Variants in UNC45A observed in about 807,000 individuals in gnomAD.
UNC45A encodes unc-45 myosin chaperone A.
UNC45A carries 78 observed loss-of-function variants against 103.2 expected under a neutral mutation model. That is an observed-to-expected ratio of 0.76 (90% confidence interval 0.63 to 0.91). The LOEUF (loss-of-function observed/expected upper bound fraction) is 0.91, where lower values mean the gene tolerates loss of function less well. UNC45A is among the 40% of genes least tolerant of loss of function. The pLI, the probability that UNC45A is intolerant of heterozygous loss-of-function variation, is 0.00. For missense variants in UNC45A, 1,193 were observed against 1,224.8 expected (o/e 0.97, Z 0.39); for synonymous variants, 495 against 504.6 (o/e 0.98, Z 0.25).
chr15:90,942,643 T>C (rs1269450441), intron 7 of UNC45A, 38 bp downstream of exon 7: 1 of 1,613,594 alleles, frequency 6.2e-7, no homozygotes, highest in African/African-American at 1.3e-5. Flanking sequence ...TGGACGTTAC[T>C]GTCATGGAAG....
In UNC45A at chr15:90,953,908, C is replaced by T. The variant is rs2037076632; in HGVS notation, c.*192C>T. Reference sequence around the variant, plus strand: ...GTCACACAGCCCTGCTTGGCCAGCACTGCCTGCAGCCTCACTCAGAGGGGC... The same window carrying T: ...GTCACACAGCCCTGCTTGGCCAGCATTGCCTGCAGCCTCACTCAGAGGGGC... On this transcript the variant is annotated 3_prime_UTR_variant, in exon 20 of 20. Transcript: ENST00000418476. 3 of 763,432 alleles carry T rather than the reference C, an allele frequency of 3.9e-6. No homozygotes were observed. The highest frequency in any genetic ancestry group is 2.8e-5 in the Admixed American group (1 of 35,528). The allele number at this position is 763,432 out of a possible 1,614,324, so 47.3% of individuals were successfully genotyped here. A position where few individuals can be genotyped will look rare whatever the true frequency, so the allele number is the denominator to read the frequency against.
At chr15:90,935,734 C>G (rs376290396) in intron 2 of UNC45A, 29 bp downstream of exon 2, 1 of 1,534,428 alleles carries the variant, frequency 6.5e-7, no homozygotes, top group African/African-American at 1.4e-5. Context: ...CTTCCCCTCG[C>G]CCGCCCGGGC....
chr15:90,952,981 GA>G lies in UNC45A; in HGVS notation c.2357del (p.Glu786GlyfsTer5). 1 of 1,613,588 alleles carries G rather than the reference GA, an allele frequency of 6.2e-7. No individual in the cohort carries two copies. Among genetic ancestry groups the G allele is most frequent in the Non-Finnish European group, 8.5e-7 (1 of 1,180,046 alleles). On this transcript the variant is annotated frameshift_variant, in exon 18 of 20. Transcript: ENST00000418476. LOFTEE classifies it high-confidence loss of function. The part of the protein sequence containing the change: ...AVPMIEGYMF[E>X]EHEMIRRAAT... ...GCCCATGATAGAAGGCTACATGTTT[GA>G]GGAGCATGAGATGATCCGCCGGGCA... is the stretch of plus-strand genomic sequence containing the variant.
rs770826662 is a variant in UNC45A, at chr15:90,950,574, C to G, written c.2262C>G (p.Leu754=). ...CAGGCCTGCAGAACTTCGAGGCGCTCATGGCCCTAACAAACCTGGCTGGGA... is the reference window on the plus strand; with the variant it reads ...CAGGCCTGCAGAACTTCGAGGCGCTGATGGCCCTAACAAACCTGGCTGGGA... ...NCSGLQNFEA[L]MALTNLAGIS... Residue 754 remains leucine, a synonymous_variant, in exon 17 of 20, where the codon CTC becomes CTG. Transcript: ENST00000418476. 14 of 1,614,054 alleles carry G rather than the reference C, an allele frequency of 8.7e-6. No individual in the cohort carries two copies. The highest frequency in any genetic ancestry group is 1.2e-5 in the Non-Finnish European group (14 of 1,180,036).
Position 90,953,718 on chromosome 15 carries a change from G to A in UNC45A, c.*2G>A. 2.5e-6 allele frequency: 4 copies of A among 1,613,062 alleles called. No homozygotes were observed. Among genetic ancestry groups the A allele is most frequent in the Non-Finnish European group, 3.4e-6 (4 of 1,179,454 alleles). On this transcript the variant is annotated 3_prime_UTR_variant, in exon 20 of 20. Transcript: ENST00000418476. The stretch of plus-strand genomic sequence containing the variant: ...CAACCCAACCAAGATGGAGAGTGAG[G>A]GGGTTGTCCCTGGGCCCAAGGCTCA...
At chr15:90,938,821 G>A (rs1346082403) in intron 4 of UNC45A, among the ~76,000 whole-genome samples, 1 of 151,830 alleles carries the variant, frequency 6.6e-6, no homozygotes, top group Non-Finnish European at 1.5e-5. Context: ...ACAGGCACCC[G>A]CCACCACACC....
At chr15:90,949,227 T>G (rs2036752820) in intron 13 of UNC45A, 89 bp from the exon 14 acceptor site, 1 of 1,513,490 alleles carries the variant, frequency 6.6e-7, no homozygotes, top group Admixed American at 2.0e-5. Context: ...CTGTTTTATT[T>G]CCCAGTTCCT....
chr15:90,934,840 G>A (rs1192117636), upstream of UNC45A: 11 of 417,136 alleles, frequency 2.6e-5, no homozygotes, highest in Non-Finnish European at 4.2e-5. Flanking sequence ...TGGGGAGGGA[G>A]TCCTGAGCTT....
rs187439373 is a variant in UNC45A, at chr15:90,935,502, C to G, written c.52-42C>G. ...TCTCCCCTTAGCTCCCGGGCTCTGC[C>G]CCGAACCCCCTCCGACGTTTCCGCC... On this transcript the variant is annotated intron_variant, in intron 1 of 19. Transcript: ENST00000418476. The G allele has an allele frequency of 2.5e-5, 39 of 1,576,826 alleles. No individual in the cohort carries two copies. In the African/African-American group the frequency reaches 5.1e-4, roughly 21 times the overall value.
chr15:90,931,111 G>C (rs752756931), upstream of UNC45A: 3 of 782,458 alleles, frequency 3.8e-6, no homozygotes, highest in South Asian at 1.8e-5. Context: ...GCTCAGCTTA[G>C]TTAGCAGGAG....
intron 15 of UNC45A, 169 bp downstream of exon 15, chr15:90,949,889 G>T: frequency 1.3e-6 from 1 of 760,606 alleles, no homozygotes; most frequent in Non-Finnish European, 2.2e-6. Context: ...CAAGCTCCTT[G>T]GCCCCTCCAC....
chr15:90,940,349 C>T lies in UNC45A; in HGVS notation c.563C>T (p.Ala188Val), dbSNP rs144133578. ...GTGCTGGCCAGGGAGGATGCTGGAG[C>T]GGAGAAGATCTTCCGGAGTAATGGG... ...LVVLAREDAG[A>V]EKIFRSNGVQ... is the part of the protein sequence containing the mutation. The change falls in exon 6 of 20, where the codon GCG becomes GTG. Residue 188 changes from alanine (A) to valine (V), a missense_variant. Coordinates refer to ENST00000418476, the MANE Select transcript of UNC45A (RefSeq NM_018671.5). The T allele has an allele frequency of 3.3e-5, 53 of 1,614,018 alleles. No individual in the cohort carries two copies. Among genetic ancestry groups the T allele is most frequent in the African/African-American group, 1.9e-4 (14 of 75,032 alleles).
At position 90,948,267 on chromosome 15, in the gene UNC45A, T is replaced by C. The variant is rs754325628; in HGVS notation, c.1721T>C (p.Leu574Pro). The change falls in exon 12 of 20, where the codon CTG (leucine) becomes CCG (proline). Residue 574 changes from leucine (L) to proline (P), a missense_variant. Physicochemically the swap from Leu to Pro is moderately conservative, Grantham distance 98. Coordinates refer to ENST00000418476, the MANE Select transcript of UNC45A (RefSeq NM_018671.5). The stretch of plus-strand genomic sequence containing the variant: ...GAGGATGCGGCTGCTCTGAAAGCTC[T>C]GTTCCAGCTCAGCAGGGTAGCTCTG... ...FVEDAAALKA[L>P]FQLSRLEERS... 2.5e-6 allele frequency: 4 copies of C among 1,613,992 alleles called. No individual in the cohort carries two copies. Among genetic ancestry groups the C allele is most frequent in the Admixed American group, 1.7e-5 (1 of 60,034 alleles).
rs1371369971 is a variant in UNC45A at position 90,949,341 on chromosome 15, G to A, written c.1904G>A (p.Arg635Gln). The change falls in exon 14 of 20, where the codon CGG becomes CAG. Residue 635 changes from arginine (R) to glutamine (Q), a missense_variant. Arg to Gln is a conservative substitution (Grantham distance 43, BLOSUM62 1). Coordinates refer to ENST00000418476, the MANE Select transcript of UNC45A (RefSeq NM_018671.5). The stretch of plus-strand genomic sequence containing the variant: ...GACAAGCCAAGCTTCGTGCGGGCTC[G>A]GGTGAAGAAGCTGCTGGCAGCGGGT... ...PKDKPSFVRA[R>Q]VKKLLAAGVV... 44 of 1,612,984 alleles carry A rather than the reference G, an allele frequency of 2.7e-5. No homozygotes were observed. Among genetic ancestry groups the A allele is most frequent in the Non-Finnish European group, 3.2e-5 (38 of 1,180,014 alleles).
intron 10 of UNC45A, 24 bp downstream of exon 10, chr15:90,946,938 G>GGGGGC: frequency 1.3e-6 from 2 of 1,542,840 alleles, no homozygotes; most frequent in African/African-American, 1.4e-5. Flanking sequence ...CCTGGGGTGG[G>GGGGGC]TGGGCAGGCA....
At chr15:90,935,029 G>T, upstream of UNC45A, 1 of 557,922 alleles carries the variant, frequency 1.8e-6, no homozygotes, top group Non-Finnish European at 3.1e-6. Context: ...CTTCTGCTGC[G>T]GTCGGGGCCG....
At position 90,949,641 on chromosome 15, in the gene UNC45A, C is replaced by G. The variant is rs200743342; in HGVS notation, c.2007-13C>G. On this transcript the variant is annotated splice_polypyrimidine_tract_variant and intron_variant, in intron 14 of 19. Coordinates refer to ENST00000418476, the MANE Select transcript of UNC45A (RefSeq NM_018671.5). The stretch of plus-strand genomic sequence containing the variant: ...CCCAGAGCTGCCTGCCCACCACCGC[C>G]TTCTCCCCACAGGGTCTTCTTGGCT... 1.2e-6 allele frequency: 2 copies of G among 1,614,002 alleles called. No individual in the cohort carries two copies. The highest frequency in any genetic ancestry group is 2.2e-5 in the East Asian group (1 of 44,888).
Position 90,935,545 on chromosome 15 carries a change from C to T in UNC45A, c.53C>T (p.Ala18Val). 6 of 1,601,930 alleles carry T rather than the reference C, an allele frequency of 3.7e-6. No homozygotes were observed. The highest frequency in any genetic ancestry group is 5.1e-6 in the Non-Finnish European group (6 of 1,173,982). The change falls in exon 2 of 20, where the codon GCC (alanine) becomes GTC (valine). Residue 18 changes from alanine (A) to valine (V), a missense_variant and splice_region_variant. Physicochemically the swap from Ala to Val is moderately conservative, Grantham distance 64 (BLOSUM62 0). Transcript: ENST00000418476. ...TTTCCGCCCCCTTTCTCTCTACAGG[C>T]CAGCTCAGTGGAGCAGCTGCGGAAG... is the stretch of plus-strand genomic sequence containing the variant. ...TPEPRPATPG[A>V]SSVEQLRKEG...
chr15:90,939,937 C>T (rs1295229158), intron 5 of UNC45A, 114 bp downstream of exon 5: 3 of 995,964 alleles, frequency 3.0e-6, no homozygotes, highest in Admixed American at 2.3e-5. Flanking sequence ...CAGCTGGGCT[C>T]ACGGGGCCTG....
Sources: allele counts gnomAD v4.1 joint callset (sites outside exome capture counted in the v4.1 genomes callset), GRCh38; gene constraint gnomAD v4.1.1; transcripts MANE v1.5; gene names NCBI Gene and HGNC (gene_info 2026-07-23, HGNC 2026-07-21).